The following CSTA variants were observed in gnomAD, a reference collection of about 807,000 sequenced individuals.
CSTA encodes cystatin-A.
CSTA carries 9 observed loss-of-function variants against 9.2 expected under a neutral mutation model. That is an observed-to-expected ratio of 0.97 (90% CI 0.59 to 1.70). The LOEUF (loss-of-function observed/expected upper bound fraction) is 1.70. Among genes scored for constraint, CSTA ranks in the 40% most tolerant of loss-of-function variants. The pLI is 0.00. For missense variants in CSTA, 118 were observed against 113.1 expected, an observed-to-expected ratio of 1.04 and a Z score of -0.20; for synonymous variants, 36 against 40.6, an observed-to-expected ratio of 0.89 and a Z score of 0.43.
At chr3:122,334,556 A>T (rs1332404078) in intron 1 of CSTA, among the ~76,000 whole-genome samples, 1 of 152,174 alleles carries the variant, frequency 6.6e-6, no homozygotes, top group Non-Finnish European at 1.5e-5. Flanking sequence ...GATGGACTGG[A>T]GGCCTGATTG....
intron 1 of CSTA, among the ~76,000 whole-genome samples, chr3:122,333,518 GAGAAGAAA>G (rs1486685502): frequency 2.9e-5 from 3 of 102,528 alleles, no homozygotes; most frequent in Non-Finnish European, 6.3e-5. Flanking sequence ...GAAAGAGAGA[GAGAAGAAA>G]GAAAGAAAAG....
intron 2 of CSTA, among the ~76,000 whole-genome samples, chr3:122,339,285 G>A (rs1306661551): frequency 2.6e-5 from 4 of 152,102 alleles, no homozygotes; most frequent in Admixed American, 6.6e-5. Flanking sequence ...CGTGTTGTGA[G>A]GAATAAATAA....
intron 2 of CSTA, 23 bp downstream of exon 2, chr3:122,337,671 AGC>A: frequency 7.3e-7 from 1 of 1,370,298 alleles, no homozygotes; most frequent in Non-Finnish European, 1.0e-6. Flanking sequence ...CACCTACTTT[AGC>A]GCCAAAAGAT....
At chr3:122,327,925 A>C (rs1200901287) in intron 1 of CSTA, among the ~76,000 whole-genome samples, 1 of 152,234 alleles carries the variant, frequency 6.6e-6, no homozygotes, top group Non-Finnish European at 1.5e-5. Flanking sequence ...TGCATTGCTA[A>C]TAACACCTAT....
intron 1 of CSTA, among the ~76,000 whole-genome samples, chr3:122,329,284 C>T (rs150923706): frequency 1.8e-4 from 27 of 151,386 alleles, no homozygotes; most frequent in African/African-American, 6.5e-4. Context: ...ATTTTTTACT[C>T]CTTAGAAGGA....
intron 1 of CSTA, among the ~76,000 whole-genome samples, chr3:122,336,836 A>G (rs1294378279): frequency 6.6e-6 from 1 of 152,244 alleles, no homozygotes; most frequent in African/African-American, 2.4e-5. Context: ...ACAAACATGT[A>G]TAATACTAAC....
chr3:122,333,134 C>G (rs1435547869), intron 1 of CSTA, among the ~76,000 whole-genome samples: 2 of 152,214 alleles, frequency 1.3e-5, no homozygotes, highest in East Asian at 1.9e-4. Context: ...AATCCCCTCT[C>G]TCATGGAAAA....
chr3:122,341,769 A>G lies in CSTA; in HGVS notation c.*202A>G, dbSNP rs1005736929. On this transcript the variant is annotated 3_prime_UTR_variant, in exon 3 of 3. Transcript: ENST00000264474. ...GCTTTAGAGTATAAACTCCATATAAATTGATGGCAATTGGAAATCTTATAA... is the reference window on the plus strand; with the variant it reads ...GCTTTAGAGTATAAACTCCATATAAGTTGATGGCAATTGGAAATCTTATAA... The G allele has an allele frequency of 1.7e-6, 1 of 602,578 alleles. No homozygotes were observed. Among genetic ancestry groups the G allele is most frequent in the Admixed American group, 3.1e-5 (1 of 32,130 alleles). 37.3% of individuals were successfully genotyped at this position (602,578 alleles called of 1,614,324 possible). A position where few individuals can be genotyped will look rare whatever the true frequency, so the allele number is the denominator to read the frequency against.
At chr3:122,331,177 T>C (rs1290528503) in intron 1 of CSTA, among the ~76,000 whole-genome samples, 1 of 151,416 alleles carries the variant, frequency 6.6e-6, no homozygotes. Flanking sequence ...TGCTGAATAC[T>C]ATTCCTGGCC....
chr3:122,331,414 C>T (rs1314083214), intron 1 of CSTA, among the ~76,000 whole-genome samples: 9 of 152,270 alleles, frequency 5.9e-5, no homozygotes, highest in Admixed American at 4.6e-4. Flanking sequence ...CCTACCTTCC[C>T]AACTTCATGA....
At chr3:122,331,079 A>G (rs2075201615) in intron 1 of CSTA, among the ~76,000 whole-genome samples, 1 of 151,006 alleles carries the variant, frequency 6.6e-6, no homozygotes, top group African/African-American at 2.4e-5. Flanking sequence ...GGGCTACTAT[A>G]CATGCAATGT....
chr3:122,333,540 G>GAAGAAAGAAAGA (rs71136564), intron 1 of CSTA, among the ~76,000 whole-genome samples: 2,792 of 112,110 alleles, frequency 0.025, 61 homozygotes, highest in Middle Eastern at 0.046. Context: ...AGAAAAGAAA[G>GAAGAAAGAAAGA]AAGAAAGAAA....
intron 2 of CSTA, 36 bp downstream of exon 2, chr3:122,337,684 G>GT (rs1331809570): frequency 1.6e-6 from 2 of 1,267,088 alleles, no homozygotes; most frequent in East Asian, 2.3e-5. Context: ...GCCAAAAGAT[G>GT]TATTTCTCAT....
At position 122,341,372 on chromosome 3, in the gene CSTA, C is replaced by G. The variant is rs918525990; in HGVS notation, c.169-67C>G. ...CAGAAGTCTTTGTAGACCTGTGGCT[C>G]TCTCACTTGATGTAGACCCATTTGA... is the stretch of plus-strand genomic sequence containing the variant. On this transcript the variant is annotated intron_variant, in intron 2 of 2. Coordinates refer to ENST00000264474, the MANE Select transcript of CSTA (RefSeq NM_005213.4). 3.2e-6 allele frequency: 5 copies of G among 1,572,658 alleles called. No individual in the cohort carries two copies. The African/African-American group carries it at 6.8e-5, about 21-fold the overall frequency.
chr3:122,330,304 C>G (rs1247278804), intron 1 of CSTA, among the ~76,000 whole-genome samples: 2 of 152,184 alleles, frequency 1.3e-5, no homozygotes, highest in African/African-American at 4.8e-5. Flanking sequence ...AGTTTATCAG[C>G]TTTCCTTGGA....
chr3:122,328,464 C>G lies in CSTA; in HGVS notation c.66+3106C>G, dbSNP rs559909731. On this transcript the variant is annotated intron_variant, in intron 1 of 2. Transcript: ENST00000264474. Reference sequence around the variant, plus strand: ...ACAGTGAGCCAAGATCATGACATTGCACTCCAGCCTGGGCCACAGAACAAG... The same window carrying G: ...ACAGTGAGCCAAGATCATGACATTGGACTCCAGCCTGGGCCACAGAACAAG... Among the ~76,000 whole-genome samples, 9 of 142,858 alleles carry G rather than the reference C, an allele frequency of 6.3e-5. No individual in the cohort carries two copies. In the South Asian group the frequency reaches 2.0e-3, roughly 32 times the overall value. 93.7% of individuals were successfully genotyped at this position (142,858 alleles called of 152,430 possible).
chr3:122,341,510 G>T lies in CSTA; in HGVS notation c.240G>T (p.Leu80Phe). 6.2e-7 allele frequency: 1 copy of T among 1,614,066 alleles called. No individual in the cohort carries two copies. Among genetic ancestry groups the T allele is most frequent in the Non-Finnish European group, 8.5e-7 (1 of 1,179,952 alleles). Residue 80 changes from leucine (L) to phenylalanine (F), a missense_variant, in exon 3 of 3, where the codon TTG (leucine) becomes TTT (phenylalanine). Transcript: ENST00000264474. ...GTCTTCCCGGACAAAATGAGGACTT[G>T]GTACTTACTGGATACCAGGTTGACA... is the stretch of plus-strand genomic sequence containing the variant. ...FKSLPGQNED[L>F]VLTGYQVDKN...
chr3:122,337,470 G>C, intron 1 of CSTA, 77 bp from the exon 2 acceptor site: 1 of 936,344 alleles, frequency 1.1e-6, no homozygotes, highest in Non-Finnish European at 1.7e-6. Context: ...AGGAGGATGA[G>C]GTTCCCAGAT....
At chr3:122,326,729 G>A (rs2075172454) in intron 1 of CSTA, among the ~76,000 whole-genome samples, 1 of 152,168 alleles carries the variant, frequency 6.6e-6, no homozygotes, top group South Asian at 2.1e-4. Flanking sequence ...TGAATCCCCA[G>A]ATCAGATCAA....
Sources: allele counts gnomAD v4.1 joint callset (sites outside exome capture counted in the v4.1 genomes callset), GRCh38; gene constraint gnomAD v4.1.1; transcripts MANE v1.5; gene names NCBI Gene and HGNC (gene_info 2026-07-23, HGNC 2026-07-21).